Variants in VANGL1 observed in about 807,000 individuals in gnomAD.
VANGL1 encodes vang-like protein 1.
A neutral mutation model predicts 48.4 loss-of-function variants in VANGL1; 18 were observed. The ratio of observed to expected loss-of-function variants is 0.37; its 90% CI spans 0.26 to 0.55. VANGL1 has a LOEUF of 0.55. VANGL1 is among the 20% of genes least tolerant of loss of function. The pLI is 0.81. For synonymous variants in VANGL1, 257 were observed against 261.8 expected, an observed-to-expected ratio of 0.98 and a Z score of 0.18; for missense variants, 667 against 675.8, an observed-to-expected ratio of 0.99 and a Z score of 0.14.
At chr1:115,647,511 G>A (rs12563953) in intron 1 of VANGL1, among the ~76,000 whole-genome samples, 17,786 of 152,196 alleles carry the variant, frequency 0.12, 1,324 homozygotes, top group South Asian at 0.33. Flanking sequence ...AGTTCACTTC[G>A]GATTTTATTA....
intron 3 of VANGL1, among the ~76,000 whole-genome samples, chr1:115,661,930 T>C (rs1652573667): frequency 6.6e-6 from 1 of 152,184 alleles, no homozygotes; most frequent in Non-Finnish European, 1.5e-5. Flanking sequence ...ATGTATATTT[T>C]TATTAATTTT....
chr1:115,685,561 T>C, intron 7 of VANGL1, 34 bp downstream of exon 7: 2 of 1,605,992 alleles, frequency 1.2e-6, no homozygotes, highest in Non-Finnish European at 1.7e-6. Flanking sequence ...GCCACCGTCA[T>C]CCTGGCTTGT....
In VANGL1 at chr1:115,661,742, C is replaced by T. The variant is rs571958132; in HGVS notation, c.205-1919C>T. On this transcript the variant is annotated intron_variant, in intron 3 of 7. Coordinates refer to ENST00000355485, the MANE Select transcript of VANGL1 (RefSeq NM_138959.3). ...AAGCGATTCTCCTGCCTCAGCCTCC[C>T]GAATAGCCGGGATTACAGGCACGCA... Among the ~76,000 whole-genome samples the T allele has an allele frequency of 6.9e-4, 105 of 152,014 alleles. 1 individual carries two copies. The highest frequency in any genetic ancestry group is 1.4e-3 in the Admixed American group (21 of 15,252).
At chr1:115,650,227 C>G (rs1652090177) in intron 1 of VANGL1, among the ~76,000 whole-genome samples, 1 of 152,120 alleles carries the variant, frequency 6.6e-6, no homozygotes, top group Non-Finnish European at 1.5e-5. Flanking sequence ...TTTCTTCACA[C>G]TTATCTCACT....
intron 7 of VANGL1, among the ~76,000 whole-genome samples, chr1:115,685,776 A>G (rs1325376642): frequency 6.6e-6 from 1 of 152,068 alleles, no homozygotes; most frequent in African/African-American, 2.4e-5. Context: ...TGGAATAGTG[A>G]TTGGAGACAG....
intron 3 of VANGL1, 110 bp downstream of exon 3, chr1:115,659,883 T>G: frequency 2.9e-5 from 41 of 1,414,152 alleles, no homozygotes; most frequent in Non-Finnish European, 3.8e-5. Flanking sequence ...TCTAGCATGC[T>G]AATTAGTTTA....
intron 3 of VANGL1, among the ~76,000 whole-genome samples, chr1:115,662,376 G>A (rs1384737235): frequency 2.6e-5 from 4 of 152,172 alleles, no homozygotes; most frequent in South Asian, 2.1e-4. Flanking sequence ...CCGAGTGAAA[G>A]GATACATACA....
chr1:115,666,643 CT>C (rs746184660), intron 4 of VANGL1, among the ~76,000 whole-genome samples: 5 of 152,212 alleles, frequency 3.3e-5, no homozygotes, highest in Admixed American at 6.5e-5. Flanking sequence ...CCCATCTGCC[CT>C]GGGGAGAGCG....
intron 1 of VANGL1, among the ~76,000 whole-genome samples, chr1:115,644,213 C>A (rs1651832148): frequency 6.6e-6 from 1 of 152,240 alleles, no homozygotes; most frequent in Non-Finnish European, 1.5e-5. Flanking sequence ...CGTTTAAGCC[C>A]TGGCTCCTGT....
chr1:115,684,538 G>T (rs971565390), intron 6 of VANGL1, among the ~76,000 whole-genome samples: 1 of 152,210 alleles, frequency 6.6e-6, no homozygotes, highest in African/African-American at 2.4e-5. Context: ...CCTTGCTCCA[G>T]TGTTTCTCAA....
chr1:115,659,505 CTGTGTGTGTGTGTGTG>C, intron 2 of VANGL1, 120 bp from the exon 3 acceptor site: 10 of 958,000 alleles, frequency 1.0e-5, no homozygotes, highest in South Asian at 5.5e-5. Flanking sequence ...TTTTGATGCT[CTGTGTGTGTGTGTGTG>C]TGTGTGTGTG....
chr1:115,663,841 G>T lies in VANGL1; in HGVS notation c.385G>T (p.Ala129Ser), dbSNP rs1489594045. The change falls in exon 4 of 8, where the codon GCC becomes TCC. Residue 129 changes from alanine to serine, a missense_variant. By Grantham distance (99) the Ala-to-Ser change is moderately conservative. Coordinates refer to ENST00000355485, the MANE Select transcript of VANGL1 (RefSeq NM_138959.3). ...ACTTCTAGTTTTCCTCACCCCTATT[G>T]CCTTCATCCTTTTACCTCCGATCCT... Reference protein sequence around the residue: ...LGLLVFLTPIAFILLPPILWR... With the variant: ...LGLLVFLTPISFILLPPILWR... 2 of 1,614,180 alleles carry T rather than the reference G, an allele frequency of 1.2e-6. No individual in the cohort carries two copies. The highest frequency in any genetic ancestry group is 1.1e-5 in the South Asian group (1 of 91,088).
In VANGL1 at chr1:115,662,880, G is replaced by A. The variant is rs543883392; in HGVS notation, c.205-781G>A. ...CAGCTCACTGCAACCTCCGACTCCC[G>A]GGTTCAAGCGATTCTCCTGCCTCAG... On this transcript the variant is annotated intron_variant, in intron 3 of 7. Transcript: ENST00000355485. 8.5e-4 allele frequency among the ~76,000 whole-genome samples: 128 copies of A among 150,872 alleles called. 1 individual carries two copies. Among genetic ancestry groups the A allele is most frequent in the Non-Finnish European group, 1.2e-3 (82 of 67,866 alleles).
At position 115,691,136 on chromosome 1, in the gene VANGL1, C is replaced by T; in HGVS notation, c.1332C>T (p.Tyr444=). ...GMTPKAFLER[Y]LSAGPTLQYD... Reference sequence around the variant, plus strand: ...GCTTCCAGGCCTTCCTAGAACGGTACCTCAGTGCGGGCCCCACCCTGCAAT... The same window carrying T: ...GCTTCCAGGCCTTCCTAGAACGGTATCTCAGTGCGGGCCCCACCCTGCAAT... Residue 444 remains tyrosine, a synonymous_variant, in exon 8 of 8, where the codon TAC becomes TAT. Transcript: ENST00000355485. 1 of 1,614,176 alleles carries T rather than the reference C, an allele frequency of 6.2e-7. No individual in the cohort carries two copies. The highest frequency in any genetic ancestry group is 8.5e-7 in the Non-Finnish European group (1 of 1,180,036).
Position 115,695,444 on chromosome 1 carries a change from T to C in VANGL1, c.*4065T>C, listed in dbSNP as rs187382548. 4.5e-4 allele frequency: 68 copies of C among 152,678 alleles called. No individual in the cohort carries two copies. The highest frequency in any genetic ancestry group is 1.6e-3 in the African/African-American group (67 of 41,514). 9.5% of individuals were successfully genotyped at this position (152,678 alleles called of 1,614,324 possible). A position where few individuals can be genotyped will look rare whatever the true frequency, so the allele number is the denominator to read the frequency against. Reference sequence around the variant, plus strand: ...ATGTAACCTTGTGGTCGTATTTCATTATAAATAAAATAAGAATTGCTCTTC... The same window carrying C: ...ATGTAACCTTGTGGTCGTATTTCATCATAAATAAAATAAGAATTGCTCTTC... On this transcript the variant is annotated 3_prime_UTR_variant, in exon 8 of 8. Coordinates refer to ENST00000355485, the MANE Select transcript of VANGL1 (RefSeq NM_138959.3).
rs138555872 is a variant in VANGL1, at chr1:115,677,269, C to T, written c.813-5095C>T. Among the ~76,000 whole-genome samples the T allele has an allele frequency of 3.4e-3, 512 of 152,324 alleles. 3 individuals are homozygous for T. Among genetic ancestry groups the T allele is most frequent in the African/African-American group, 0.011 (472 of 41,568 alleles). ...TAAGAAATGTAGCCCAAGGGCAAGC[C>T]CCTCTTCTCTGTTGCCATGGCAGTC... On this transcript the variant is annotated intron_variant, in intron 4 of 7. Transcript: ENST00000355485.
At chr1:115,667,843 C>A (rs1570755205) in intron 4 of VANGL1, among the ~76,000 whole-genome samples, 1 of 152,218 alleles carries the variant, frequency 6.6e-6, no homozygotes, top group Admixed American at 6.5e-5. Flanking sequence ...TTATCTTAAT[C>A]ATTTTTCAGT....
rs559547652 is a variant in VANGL1, at chr1:115,682,332, G to C, written c.813-32G>C. ...TAGGACCTGCTTCTTCAGTGAAAAA[G>C]CTTTGCATTAATTTTGTTCTTTTTT... On this transcript the variant is annotated intron_variant, in intron 4 of 7. Transcript: ENST00000355485. 20 of 1,613,042 alleles carry C rather than the reference G, an allele frequency of 1.2e-5. No individual in the cohort carries two copies. In the African/African-American group the frequency reaches 2.0e-4, roughly 16 times the overall value.
Position 115,691,164 on chromosome 1 carries a change from G to A in VANGL1, c.1360G>A (p.Asp454Asn), listed in dbSNP as rs867252211. 1 of 1,613,940 alleles carries A rather than the reference G, an allele frequency of 6.2e-7. No individual in the cohort carries two copies. Among genetic ancestry groups the A allele is most frequent in the African/African-American group, 1.3e-5 (1 of 74,876 alleles). ...CAGTGCGGGCCCCACCCTGCAATATGACAAGGACCGCTGGCTCTCTACACA... is the reference window on the plus strand; with the variant it reads ...CAGTGCGGGCCCCACCCTGCAATATAACAAGGACCGCTGGCTCTCTACACA... ...YLSAGPTLQY[D>N]KDRWLSTQWR... is the part of the protein sequence containing the mutation. The change falls in exon 8 of 8, where the codon GAC (aspartate) becomes AAC (asparagine). Residue 454 changes from aspartate to asparagine, a missense_variant. By Grantham distance (23) the Asp-to-Asn change is conservative. Coordinates refer to ENST00000355485, the MANE Select transcript of VANGL1 (RefSeq NM_138959.3).
Sources: gnomAD v4.1 joint callset for allele counts (sites outside exome capture counted in the v4.1 genomes callset) on GRCh38, gnomAD v4.1.1 for gene constraint, MANE v1.5 for transcripts, NCBI Gene and HGNC (gene_info 2026-07-23, HGNC 2026-07-21) for gene names.